LIN54: variants seen among roughly 807,000 people sequenced by gnomAD.
The protein encoded by LIN54 is lin-54 DREAM MuvB core complex component.
Under a neutral mutation model 78.7 loss-of-function variants are expected in LIN54, and 9 were observed. The observed-to-expected ratio is 0.11, with a 90% CI of 0.07 to 0.20. The LOEUF (loss-of-function observed/expected upper bound fraction) is 0.20. Among genes scored for constraint, LIN54 ranks in the 10% least tolerant of loss-of-function variants. The pLI is 1.00. For synonymous variants in LIN54, 269 were observed against 318.4 expected (o/e 0.84, Z 1.65); for missense variants, 573 against 889.9 (o/e 0.64, Z 4.53).
chr4:82,959,516 C>CA (rs1247692889), intron 4 of LIN54, among the ~76,000 whole-genome samples: 9 of 151,414 alleles, frequency 5.9e-5, no homozygotes, highest in South Asian at 4.2e-4. Flanking sequence ...AAAACAAAAA[C>CA]AAAAAAAACC....
At chr4:82,963,547 C>A (rs1724969476) in intron 4 of LIN54, among the ~76,000 whole-genome samples, 1 of 151,818 alleles carries the variant, frequency 6.6e-6, no homozygotes, top group African/African-American at 2.4e-5. Context: ...AAATGTTTAA[C>A]AACAATAGCA....
At chr4:82,993,260 A>C (rs1303721699) in intron 1 of LIN54, among the ~76,000 whole-genome samples, 4 of 131,720 alleles carry the variant, frequency 3.0e-5, no homozygotes, top group Admixed American at 8.5e-5. Flanking sequence ...CTTGTTGCCC[A>C]GGCTGAAGTG....
intron 1 of LIN54, among the ~76,000 whole-genome samples, chr4:83,009,902 T>C (rs1426993362): frequency 6.6e-6 from 1 of 152,038 alleles, no homozygotes; most frequent in Non-Finnish European, 1.5e-5. Flanking sequence ...GGCAGGAGGG[T>C]GAGTATAGAG....
chr4:82,959,253 C>T (rs530831903), intron 4 of LIN54, among the ~76,000 whole-genome samples: 2 of 152,120 alleles, frequency 1.3e-5, no homozygotes, highest in South Asian at 4.1e-4. Context: ...ATCCCAGCAA[C>T]TCAGGAGGTT....
In LIN54 at chr4:82,936,333, A is replaced by G; in HGVS notation, c.1653T>C (p.Cys551=). Residue 551 remains cysteine (C), a synonymous_variant, in exon 10 of 13, where the codon TGT becomes TGC. Coordinates refer to ENST00000340417, the MANE Select transcript of LIN54 (RefSeq NM_194282.4). ...ANGEFCNNCN[C]TNCYNNLEHE... is the part of the protein sequence containing the mutation. ...GTTCCAAATTGTTGTAACAATTAGT[A>G]CAATTGCAGTTGTTGCAAAATTCAC... 6.3e-7 allele frequency: 1 copy of G among 1,580,078 alleles called. No individual in the cohort carries two copies. The highest frequency in any genetic ancestry group is 8.6e-7 in the Non-Finnish European group (1 of 1,158,548).
chr4:82,936,598 T>C (rs765940041), intron 9 of LIN54, among the ~76,000 whole-genome samples: 1 of 152,154 alleles, frequency 6.6e-6, no homozygotes, highest in African/African-American at 2.4e-5. Context: ...AAATGTGGCC[T>C]AAAAACTTAG....
chr4:82,967,970 G>A (rs1443849503), intron 4 of LIN54, among the ~76,000 whole-genome samples: 4 of 152,046 alleles, frequency 2.6e-5, no homozygotes, highest in Admixed American at 6.6e-5. Flanking sequence ...GCTTTCAACC[G>A]GATGTAAGCT....
chr4:82,931,366 T>A (rs1243311978), intron 11 of LIN54, among the ~76,000 whole-genome samples: 1 of 152,236 alleles, frequency 6.6e-6, no homozygotes, highest in African/African-American at 2.4e-5. Flanking sequence ...GGCTGTGTCC[T>A]TCCATGTCAG....
intron 2 of LIN54, among the ~76,000 whole-genome samples, chr4:82,981,800 G>A (rs180896531): frequency 4.6e-5 from 7 of 152,180 alleles, no homozygotes; most frequent in Admixed American, 2.0e-4. Flanking sequence ...GAGAGGCCAA[G>A]GCAGGTGGAT....
chr4:82,938,347 T>A (rs1722559508), intron 8 of LIN54, 66 bp downstream of exon 8: 1 of 870,872 alleles, frequency 1.1e-6, no homozygotes, highest in African/African-American at 1.7e-5. Context: ...TAGTTTGGAA[T>A]ATATATATTT....
Position 82,978,936 on chromosome 4 carries a change from T to C in LIN54, c.755A>G (p.Asn252Ser). ...ITKLIFAKPI[N>S]SKAVTGQTTQ... Reference sequence around the variant, plus strand: ...TGTCTGTCCTGTAACTGCTTTACTATTAATTGGTTTTGCAAAGATCAGCTT... The same window carrying C: ...TGTCTGTCCTGTAACTGCTTTACTACTAATTGGTTTTGCAAAGATCAGCTT... The change falls in exon 3 of 13, where the codon AAT becomes AGT. Residue 252 changes from asparagine (N) to serine (S), a missense_variant. Asn to Ser is a conservative substitution (Grantham distance 46). Coordinates refer to ENST00000340417, the MANE Select transcript of LIN54 (RefSeq NM_194282.4). The C allele has an allele frequency of 1.3e-6, 2 of 1,591,958 alleles. No homozygotes were observed. Among genetic ancestry groups the C allele is most frequent in the Non-Finnish European group, 8.6e-7 (1 of 1,163,478 alleles).
chr4:82,967,230 A>AG (rs983277701), intron 4 of LIN54, among the ~76,000 whole-genome samples: 1 of 152,058 alleles, frequency 6.6e-6, no homozygotes, highest in African/African-American at 2.4e-5. Flanking sequence ...ATCTCAAAAA[A>AG]AAAAAAGAAA....
intron 4 of LIN54, among the ~76,000 whole-genome samples, chr4:82,965,701 T>C (rs1179644677): frequency 1.3e-5 from 2 of 152,166 alleles, no homozygotes; most frequent in African/African-American, 4.8e-5. Context: ...GGTCAGAAGA[T>C]AGCAAGAGCT....
At chr4:83,001,115 G>T (rs1728726341) in intron 1 of LIN54, among the ~76,000 whole-genome samples, 1 of 152,084 alleles carries the variant, frequency 6.6e-6, no homozygotes, top group African/African-American at 2.4e-5. Flanking sequence ...ACCAAGCCCA[G>T]CCCAAAAGCA....
intron 1 of LIN54, among the ~76,000 whole-genome samples, chr4:83,001,307 T>G (rs903974912): frequency 6.6e-6 from 1 of 151,800 alleles, no homozygotes; most frequent in African/African-American, 2.4e-5. Context: ...ATCCCAACAC[T>G]TTGGGAGGCC....
intron 4 of LIN54, among the ~76,000 whole-genome samples, chr4:82,960,801 T>TG (rs1257930810): frequency 6.6e-6 from 1 of 152,186 alleles, no homozygotes; most frequent in Admixed American, 6.6e-5. Flanking sequence ...AGCTCATACA[T>TG]GTAATCCCAG....
At chr4:82,979,459 G>C (rs1324986138) in intron 2 of LIN54, among the ~76,000 whole-genome samples, 1 of 151,988 alleles carries the variant, frequency 6.6e-6, no homozygotes, top group Non-Finnish European at 1.5e-5. Flanking sequence ...ACACATTAAA[G>C]GTAGGCTTAT....
At chr4:82,991,247 T>C (rs1208083581) in intron 1 of LIN54, among the ~76,000 whole-genome samples, 2 of 151,996 alleles carry the variant, frequency 1.3e-5, no homozygotes, top group Non-Finnish European at 2.9e-5. Flanking sequence ...TTTAAGTATA[T>C]AGGTCTTATA....
chr4:82,941,254 G>A (rs191930819), intron 5 of LIN54, among the ~76,000 whole-genome samples: 16 of 151,410 alleles, frequency 1.1e-4, no homozygotes, highest in Admixed American at 2.6e-4. Flanking sequence ...TAGGCTGGCC[G>A]CATGGAGGGC....
Sources: allele counts gnomAD v4.1 joint callset (sites outside exome capture counted in the v4.1 genomes callset), GRCh38; gene constraint gnomAD v4.1.1; transcripts MANE v1.5; gene names NCBI Gene and HGNC (gene_info 2026-07-23, HGNC 2026-07-21).